Variants in ZNF423 observed in about 807,000 individuals in gnomAD.
The protein encoded by ZNF423 is Ebf-associated zinc finger protein.
ZNF423 carries 12 observed loss-of-function variants against 95.8 expected under a neutral mutation model. That is an observed-to-expected ratio of 0.13 (90% CI 0.08 to 0.20). The LOEUF (loss-of-function observed/expected upper bound fraction) is 0.20, where lower values mean the gene tolerates loss of function less well. ZNF423 is among the 10% of genes least tolerant of loss of function. The pLI is 1.00. For synonymous variants in ZNF423, 749 were observed against 711.9 expected (o/e 1.05, Z -0.83); for missense variants, 1,316 against 1,737.1 (o/e 0.76, Z 4.31).
At chr16:49,687,563 C>T (rs1238395264) in intron 3 of ZNF423, among the ~76,000 whole-genome samples, 1 of 152,154 alleles carries the variant, frequency 6.6e-6, no homozygotes, top group Non-Finnish European at 1.5e-5. Flanking sequence ...TCATTTCTGC[C>T]ATCAAAAAAG....
chr16:49,814,966 C>A (rs1341113396), intron 1 of ZNF423, among the ~76,000 whole-genome samples: 3 of 152,114 alleles, frequency 2.0e-5, no homozygotes, highest in Non-Finnish European at 4.4e-5. Flanking sequence ...TCTCTCCTGA[C>A]CTCCTCTTTC....
chr16:49,655,541 G>T (rs867731698), intron 3 of ZNF423, among the ~76,000 whole-genome samples: 1 of 152,134 alleles, frequency 6.6e-6, no homozygotes, highest in Non-Finnish European at 1.5e-5. Flanking sequence ...TTCCACGTGG[G>T]GGCTGAACAC....
chr16:49,567,751 C>A (rs1356517392), intron 5 of ZNF423, among the ~76,000 whole-genome samples: 4 of 152,172 alleles, frequency 2.6e-5, no homozygotes, highest in African/African-American at 4.8e-5. Context: ...TGGCCTCCAC[C>A]AGGTGTGGCC....
intron 5 of ZNF423, among the ~76,000 whole-genome samples, chr16:49,602,034 A>T (rs1420481929): frequency 6.6e-6 from 1 of 152,220 alleles, no homozygotes; most frequent in Non-Finnish European, 1.5e-5. Context: ...TCTTGCATAC[A>T]GTTGGTGCTC....
intron 3 of ZNF423, among the ~76,000 whole-genome samples, chr16:49,707,769 A>T (rs1391590728): frequency 6.6e-6 from 1 of 152,184 alleles, no homozygotes; most frequent in Non-Finnish European, 1.5e-5. Flanking sequence ...CTAGTGCCCT[A>T]AGCACTTCCT....
In ZNF423 at chr16:49,525,477, C is replaced by G; in HGVS notation, c.3619G>C (p.Glu1207Gln). 1 of 1,614,044 alleles carries G rather than the reference C, an allele frequency of 6.2e-7. No individual in the cohort carries two copies. Among genetic ancestry groups the G allele is most frequent in the Non-Finnish European group, 8.5e-7 (1 of 1,179,972 alleles). ...NHMIEEGINH[E>Q]CKLCNQMFDS... is the part of the protein sequence containing the mutation. ...AACATCTGGTTGCACAGCTTACACTCGTGGTTGATGCCTTCCTCTGCAAGG... is the reference window on the plus strand; with the variant it reads ...AACATCTGGTTGCACAGCTTACACTGGTGGTTGATGCCTTCCTCTGCAAGG... The change falls in exon 6 of 8, where the codon GAG becomes CAG. Residue 1207 changes from glutamate to glutamine, a missense_variant. Coordinates refer to ENST00000563137, the MANE Select transcript of ZNF423 (RefSeq NM_001379286.1).
intron 2 of ZNF423, among the ~76,000 whole-genome samples, chr16:49,755,403 T>C (rs796506774): frequency 1.2e-4 from 18 of 152,296 alleles, no homozygotes; most frequent in African/African-American, 4.1e-4. Flanking sequence ...AATTGGGAAC[T>C]CTTTAGTTCA....
At chr16:49,839,151 C>A (rs939688860) in intron 1 of ZNF423, among the ~76,000 whole-genome samples, 1 of 147,098 alleles carries the variant, frequency 6.8e-6, no homozygotes, top group African/African-American at 2.5e-5. Context: ...CGCGGTTTCT[C>A]CGTCCCCTCC....
intron 5 of ZNF423, among the ~76,000 whole-genome samples, chr16:49,600,866 G>A (rs373066170): frequency 3.9e-5 from 6 of 152,266 alleles, no homozygotes; most frequent in South Asian, 4.1e-4. Context: ...GAGGGGCTCC[G>A]GCCCGGCCGG....
intron 1 of ZNF423, among the ~76,000 whole-genome samples, chr16:49,810,827 CCTT>C (rs2034739007): frequency 6.6e-6 from 1 of 152,184 alleles, no homozygotes; most frequent in Non-Finnish European, 1.5e-5. Flanking sequence ...CACTTTCTCT[CCTT>C]CAACACAAAT....
rs147274113 is a variant in ZNF423 at position 49,797,139 on chromosome 16, AG to A, written c.41-7594del. 6.5e-3 allele frequency among the ~76,000 whole-genome samples: 990 copies of A among 152,240 alleles called. 4 individuals carry two copies. Among genetic ancestry groups the A allele is most frequent in the African/African-American group, 0.023 (937 of 41,542 alleles). ...TGCAGGCCAAGGCCACAACAGGTAA[AG>A]GGGACAGCGAGAGACCCAAGTCTCA... On this transcript the variant is annotated intron_variant, in intron 1 of 7. Coordinates refer to ENST00000563137, the MANE Select transcript of ZNF423 (RefSeq NM_001379286.1).
At chr16:49,515,640 A>G (rs1332081103) in intron 7 of ZNF423, among the ~76,000 whole-genome samples, 2 of 152,218 alleles carry the variant, frequency 1.3e-5, no homozygotes, top group Admixed American at 6.5e-5. Context: ...GCACAGACCT[A>G]GGGCCCAGGG....
At chr16:49,491,347 G>A in intron 7 of ZNF423, 43 bp from the exon 8 acceptor site, 5 of 1,612,766 alleles carry the variant, frequency 3.1e-6, no homozygotes, top group Non-Finnish European at 4.2e-6. Flanking sequence ...GGAGAAGAAT[G>A]GAGAGCATGC....
At chr16:49,574,956 G>A (rs973363448) in intron 5 of ZNF423, among the ~76,000 whole-genome samples, 2 of 152,040 alleles carry the variant, frequency 1.3e-5, no homozygotes, top group East Asian at 1.9e-4. Context: ...CTTGCTAATC[G>A]GAGGCATTTA....
intron 2 of ZNF423, among the ~76,000 whole-genome samples, chr16:49,781,741 T>A (rs541893988): frequency 1.3e-5 from 2 of 152,318 alleles, no homozygotes; most frequent in East Asian, 3.9e-4. Flanking sequence ...CTGCAGGGGA[T>A]GAGGCTGTCG....
At chr16:49,575,389 C>A (rs1176218199) in intron 5 of ZNF423, among the ~76,000 whole-genome samples, 1 of 152,192 alleles carries the variant, frequency 6.6e-6, no homozygotes, top group Non-Finnish European at 1.5e-5. Flanking sequence ...GCAAAACTAG[C>A]TTCTCAGATC....
intron 3 of ZNF423, among the ~76,000 whole-genome samples, chr16:49,693,235 C>G (rs768586431): frequency 1.3e-5 from 2 of 152,138 alleles, no homozygotes; most frequent in Non-Finnish European, 2.9e-5. Flanking sequence ...ATTCCCTATG[C>G]TAATAATAGG....
intron 5 of ZNF423, among the ~76,000 whole-genome samples, chr16:49,530,263 A>G (rs1205415159): frequency 6.6e-6 from 1 of 151,594 alleles, no homozygotes; most frequent in Non-Finnish European, 1.5e-5. Flanking sequence ...TCCTTCCCTC[A>G]CTACACTCAG....
intron 3 of ZNF423, among the ~76,000 whole-genome samples, chr16:49,694,972 T>C (rs945953529): frequency 2.6e-5 from 4 of 152,230 alleles, no homozygotes; most frequent in African/African-American, 9.6e-5. Context: ...AGTGTGGTCC[T>C]CAGAGGCAGC....
Sources: gnomAD v4.1 joint callset for allele counts (sites outside exome capture counted in the v4.1 genomes callset) on GRCh38, gnomAD v4.1.1 for gene constraint, MANE v1.5 for transcripts, NCBI Gene and HGNC (gene_info 2026-07-23, HGNC 2026-07-21) for gene names.